Variants in SLC35E2B observed in about 807,000 individuals in gnomAD.
SLC35E2B encodes solute carrier family 35, member E2B.
In SLC35E2B, 18 loss-of-function variants were observed where a neutral mutation model predicts 32.4. The ratio of observed to expected loss-of-function variants is 0.56; its 90% CI spans 0.38 to 0.82. The LOEUF is 0.82. Ranked by LOEUF, SLC35E2B falls within the 40% of genes least tolerant of loss-of-function variation. The probability of loss-of-function intolerance (pLI) is 0.00; values close to 1 mark genes in which losing one functional copy is unlikely to be tolerated. For missense variants in SLC35E2B, 263 were observed against 469.5 expected (o/e 0.56, Z 4.06); for synonymous variants, 132 against 209.1 (o/e 0.63, Z 3.18).
intron 2 of SLC35E2B, among the ~76,000 whole-genome samples, chr1:1,681,201 CCTTTT>C (rs1393337261): frequency 2.0e-5 from 3 of 151,884 alleles, no homozygotes; most frequent in African/African-American, 7.3e-5. Flanking sequence ...CTTTCCTTTT[CCTTTT>C]CTTTTTTTCG....
rs546821356 is a variant in SLC35E2B at position 1,663,578 on chromosome 1, C to A, written c.*2204G>T. The A allele has an allele frequency of 6.3e-6, 2 of 319,794 alleles. No individual in the cohort carries two copies. Among genetic ancestry groups the A allele is most frequent in the Non-Finnish European group, 9.1e-6 (2 of 220,314 alleles). The allele number at this position is 319,794 out of a possible 1,614,324, so 19.8% of individuals were successfully genotyped here. On this transcript the variant is annotated 3_prime_UTR_variant, in exon 10 of 10. Coordinates refer to ENST00000617444, the MANE Select transcript of SLC35E2B (RefSeq NM_001290264.2). Reference sequence around the variant, plus strand: ...CTCCATCTCCGGGGTTCAAACAATTCTCCTGCCTCAGCCTCCTGAGTATCT... The same window carrying A: ...CTCCATCTCCGGGGTTCAAACAATTATCCTGCCTCAGCCTCCTGAGTATCT...
In SLC35E2B at chr1:1,665,302, G is replaced by C. The variant is rs1643512406; in HGVS notation, c.*480C>G. The stretch of plus-strand genomic sequence containing the variant: ...GAGACCCTTCCTTCCAGGGCCCTCT[G>C]TCCCCTCCCTTCGGCCCTGCTCTGT... On this transcript the variant is annotated 3_prime_UTR_variant, in exon 10 of 10. Coordinates refer to ENST00000617444, the MANE Select transcript of SLC35E2B (RefSeq NM_001290264.2). The C allele has an allele frequency of 6.1e-6, 2 of 328,792 alleles. No homozygotes were observed. The highest frequency in any genetic ancestry group is 2.5e-4 in the South Asian group (2 of 8,098). The allele number at this position is 328,792 out of a possible 1,614,324, so 20.4% of individuals were successfully genotyped here.
chr1:1,666,361 G>A (rs1440169362), intron 9 of SLC35E2B, among the ~76,000 whole-genome samples: 2 of 152,188 alleles, frequency 1.3e-5, no homozygotes, highest in Non-Finnish European at 2.9e-5. Context: ...CACGTCCTGT[G>A]ATCTAGACGC....
At chr1:1,675,638 C>T (rs1643826446) in intron 4 of SLC35E2B, 48 bp from the exon 5 acceptor site, 6 of 1,458,854 alleles carry the variant, frequency 4.1e-6, no homozygotes, top group Admixed American at 2.3e-5. Context: ...GTCTGTCTGC[C>T]TGCACCCACC....
chr1:1,681,398 A>G (rs561397854), intron 2 of SLC35E2B, among the ~76,000 whole-genome samples: 9 of 150,200 alleles, frequency 6.0e-5, no homozygotes, highest in Admixed American at 6.0e-4. Flanking sequence ...TAGTAGAGAC[A>G]GGGTTTCACC....
chr1:1,671,477 T>TC (rs748651536), intron 6 of SLC35E2B, 32 bp downstream of exon 6: 2 of 1,418,846 alleles, frequency 1.4e-6, no homozygotes, highest in Non-Finnish European at 1.9e-6. Flanking sequence ...CCGGGTCTCG[T>TC]CCCCCTCACG....
rs1448463778 is a variant in SLC35E2B, at chr1:1,670,117, C to A, written c.742G>T (p.Gly248Trp). Residue 248 changes from glycine (G) to tryptophan (W), a missense_variant, in exon 7 of 10, where the codon GGG (glycine) becomes TGG (tryptophan). Coordinates refer to ENST00000617444, the MANE Select transcript of SLC35E2B (RefSeq NM_001290264.2). Reference protein sequence around the residue: ...QNVFSKKLLSGDKYRFSAPEL... With the variant: ...QNVFSKKLLSWDKYRFSAPEL... ...ACTTACGAGAACCTGTATTTGTCCC[C>A]GCTGAGCAGCTTTTTTGAAAAAACA... 6.4e-7 allele frequency: 1 copy of A among 1,551,688 alleles called. No homozygotes were observed. The highest frequency in any genetic ancestry group is 2.0e-5 in the Admixed American group (1 of 50,984).
intron 2 of SLC35E2B, among the ~76,000 whole-genome samples, chr1:1,683,107 T>C (rs548093344): frequency 6.6e-6 from 1 of 151,506 alleles, no homozygotes; most frequent in East Asian, 2.0e-4. Context: ...AACAAGCAAA[T>C]AAATAAAGTC....
chr1:1,677,729 G>A (rs142456626), intron 2 of SLC35E2B, among the ~76,000 whole-genome samples: 3,034 of 151,228 alleles, frequency 0.02, 114 homozygotes, highest in African/African-American at 0.07. Context: ...CTCGTGAACC[G>A]CCCACCTCGG....
intron 2 of SLC35E2B, among the ~76,000 whole-genome samples, chr1:1,686,649 C>G (rs1643955390): frequency 6.6e-6 from 1 of 151,940 alleles, no homozygotes; most frequent in Non-Finnish European, 1.5e-5. Context: ...GCCTGTAATC[C>G]CAGCTACTCG....
chr1:1,688,409 C>G (rs61776794), intron 2 of SLC35E2B, among the ~76,000 whole-genome samples: 53,272 of 148,214 alleles, frequency 0.36, 9,611 homozygotes, highest in East Asian at 0.5. Flanking sequence ...CATCGAGATC[C>G]TCCTGGCCAA....
rs192004294 is a variant in SLC35E2B at position 1,687,689 on chromosome 1, C to T, written c.-148+3287G>A. Among the ~76,000 whole-genome samples, 142 of 149,016 alleles carry T rather than the reference C, an allele frequency of 9.5e-4. 1 individual carries two copies. Among genetic ancestry groups the T allele is most frequent in the African/African-American group, 3.1e-3 (126 of 40,324 alleles). On this transcript the variant is annotated intron_variant, in intron 2 of 9. Transcript: ENST00000617444. ...GGCGGAGGTTGCAGTGAGCCTAGAT[C>T]GGGCCACTGCACTCCAGCCTGGGTG...
At chr1:1,669,577 G>A (rs1160535702) in intron 8 of SLC35E2B, 87 bp downstream of exon 8, 2 of 1,368,684 alleles carry the variant, frequency 1.5e-6, no homozygotes, top group Admixed American at 2.4e-5. Context: ...CCAGCACACG[G>A]CCTGGAAACG....
intron 2 of SLC35E2B, among the ~76,000 whole-genome samples, chr1:1,690,280 CA>C (rs751562734): frequency 0.032 from 1,660 of 52,008 alleles, 41 homozygotes; most frequent in African/African-American, 0.1. Flanking sequence ...AACTCTGTCT[CA>C]AAAAAAAAAA....
chr1:1,684,573 C>T (rs898046398), intron 2 of SLC35E2B, among the ~76,000 whole-genome samples: 27 of 152,030 alleles, frequency 1.8e-4, no homozygotes, highest in Admixed American at 6.6e-4. Flanking sequence ...GGGTGGATCA[C>T]AAGGTCAGGA....
intron 5 of SLC35E2B, chr1:1,673,267 T>C (rs1643748463): frequency 2.2e-6 from 1 of 463,540 alleles, no homozygotes; most frequent in Non-Finnish European, 4.3e-6. Context: ...ACCCTGGTGT[T>C]CTTGCCTTCT....
chr1:1,689,110 T>G (rs535121115), intron 2 of SLC35E2B, among the ~76,000 whole-genome samples: 1 of 152,096 alleles, frequency 6.6e-6, no homozygotes, highest in Non-Finnish European at 1.5e-5. Flanking sequence ...AGACGGAGGC[T>G]TTAGTGAGCT....
At chr1:1,683,586 C>T (rs1166981022) in intron 2 of SLC35E2B, among the ~76,000 whole-genome samples, 2 of 151,972 alleles carry the variant, frequency 1.3e-5, no homozygotes, top group Non-Finnish European at 2.9e-5. Context: ...CTCTCATTCA[C>T]GGGTTTTTAC....
chr1:1,686,321 CT>C (rs375495225), intron 2 of SLC35E2B, among the ~76,000 whole-genome samples: 6,490 of 127,720 alleles, frequency 0.051, 423 homozygotes, highest in African/African-American at 0.17. Flanking sequence ...CTTTTTTTTT[CT>C]TTTTTTTTTT....
Sources: gnomAD v4.1 joint callset for allele counts (sites outside exome capture counted in the v4.1 genomes callset) on GRCh38, gnomAD v4.1.1 for gene constraint, MANE v1.5 for transcripts, NCBI Gene and HGNC (gene_info 2026-07-23, HGNC 2026-07-21) for gene names.